GALNT17: variants seen among roughly 807,000 people sequenced by gnomAD.
GALNT17 encodes polypeptide N-acetylgalactosaminyltransferase 17.
GALNT17 carries 29 observed loss-of-function variants against 63.7 expected under a neutral mutation model. The ratio of observed to expected loss-of-function variants is 0.46; its 90% CI spans 0.34 to 0.62. The LOEUF (loss-of-function observed/expected upper bound fraction) is 0.62, where lower values mean the gene tolerates loss of function less well. Ranked by LOEUF, GALNT17 falls within the 20% of genes least tolerant of loss-of-function variation. The probability of loss-of-function intolerance (pLI) is 0.01; values close to 1 mark genes in which losing one functional copy is unlikely to be tolerated. For missense variants in GALNT17, 603 were observed against 799.6 expected (o/e 0.75, Z 2.97); for synonymous variants, 305 against 318.3 (o/e 0.96, Z 0.45).
At chr7:71,493,971 GT>G (rs145441332) in intron 5 of GALNT17, among the ~76,000 whole-genome samples, 5,069 of 151,636 alleles carry the variant, frequency 0.033, 299 homozygotes, top group African/African-American at 0.12. Flanking sequence ...CTTTTATAAA[GT>G]TTTTTTTTAA....
chr7:71,284,925 A>G (rs544823171), intron 1 of GALNT17, among the ~76,000 whole-genome samples: 2 of 152,044 alleles, frequency 1.3e-5, no homozygotes, highest in Non-Finnish European at 2.9e-5. Flanking sequence ...TGATGGGTAT[A>G]AAAAACTTAC....
intron 6 of GALNT17, among the ~76,000 whole-genome samples, chr7:71,637,366 G>A (rs1318736131): frequency 6.6e-6 from 1 of 151,918 alleles, no homozygotes; most frequent in Non-Finnish European, 1.5e-5. Flanking sequence ...TTGTATTTTA[G>A]TAGAGACAGG....
intron 2 of GALNT17, among the ~76,000 whole-genome samples, chr7:71,376,807 G>T (rs1250331143): frequency 6.6e-6 from 1 of 151,452 alleles, no homozygotes; most frequent in Non-Finnish European, 1.5e-5. Flanking sequence ...ATTAAAATTA[G>T]TTGGTCATGG....
chr7:71,648,659 A>G (rs1790714930), intron 6 of GALNT17, among the ~76,000 whole-genome samples: 2 of 151,904 alleles, frequency 1.3e-5, no homozygotes, highest in African/African-American at 2.4e-5. Context: ...CCGGTCTTGA[A>G]CTCTCGGTCT....
At chr7:71,420,840 G>T (rs947126485) in intron 4 of GALNT17, 68 bp from the exon 5 acceptor site, 1 of 1,569,568 alleles carries the variant, frequency 6.4e-7, no homozygotes, top group African/African-American at 1.3e-5. Context: ...TGTTCATTCC[G>T]TGTGGTCTTG....
intron 1 of GALNT17, among the ~76,000 whole-genome samples, chr7:71,334,425 G>T (rs957321178): frequency 6.6e-6 from 1 of 152,050 alleles, no homozygotes; most frequent in Non-Finnish European, 1.5e-5. Flanking sequence ...CTGGATATTG[G>T]ATCTCCATCA....
chr7:71,377,618 G>A (rs1457577660), intron 2 of GALNT17, among the ~76,000 whole-genome samples: 1 of 152,140 alleles, frequency 6.6e-6, no homozygotes, highest in African/African-American at 2.4e-5. Flanking sequence ...CCTTGTCCAT[G>A]CACCCACAAT....
chr7:71,249,439 T>G (rs561636656), intron 1 of GALNT17, among the ~76,000 whole-genome samples: 16 of 152,202 alleles, frequency 1.1e-4, no homozygotes, highest in Non-Finnish European at 2.1e-4. Context: ...TACCTGCATA[T>G]ATGTTTAATT....
At chr7:71,307,122 T>A (rs1431047063) in intron 1 of GALNT17, among the ~76,000 whole-genome samples, 1 of 152,060 alleles carries the variant, frequency 6.6e-6, no homozygotes, top group Non-Finnish European at 1.5e-5. Context: ...CCACCCCTGG[T>A]CCCTGCTTTC....
chr7:71,637,413 T>C (rs1466369425), intron 6 of GALNT17, among the ~76,000 whole-genome samples: 1 of 151,842 alleles, frequency 6.6e-6, no homozygotes, highest in African/African-American at 2.4e-5. Flanking sequence ...CTGGTCTTGA[T>C]CTCCTGACCT....
chr7:71,689,110 C>T (rs553321681), intron 9 of GALNT17, among the ~76,000 whole-genome samples: 7 of 152,050 alleles, frequency 4.6e-5, no homozygotes, highest in African/African-American at 9.7e-5. Flanking sequence ...GGACCGCGAA[C>T]GTAAATCATA....
chr7:71,141,924 G>A (rs1239538858), intron 1 of GALNT17, among the ~76,000 whole-genome samples: 1 of 146,408 alleles, frequency 6.8e-6, no homozygotes, highest in African/African-American at 2.6e-5. Context: ...ATATTGACCA[G>A]CCTGGTCTTG....
chr7:71,487,247 G>A (rs917856403), intron 5 of GALNT17, among the ~76,000 whole-genome samples: 4 of 152,182 alleles, frequency 2.6e-5, no homozygotes, highest in African/African-American at 9.7e-5. Context: ...GTCTCCATGA[G>A]GGTAGTGATG....
intron 9 of GALNT17, among the ~76,000 whole-genome samples, chr7:71,688,572 G>A (rs1791396890): frequency 6.6e-6 from 1 of 152,170 alleles, no homozygotes; most frequent in African/African-American, 2.4e-5. Context: ...TGATCCACGT[G>A]CAGAGCACAG....
chr7:71,479,660 A>T (rs1271217072), intron 5 of GALNT17, among the ~76,000 whole-genome samples: 1 of 152,046 alleles, frequency 6.6e-6, no homozygotes, highest in Non-Finnish European at 1.5e-5. Flanking sequence ...ATGCCCAGAG[A>T]TTGTAAAATC....
At chr7:71,637,168 G>C (rs1790538553) in intron 6 of GALNT17, among the ~76,000 whole-genome samples, 1 of 152,034 alleles carries the variant, frequency 6.6e-6, no homozygotes, top group Non-Finnish European at 1.5e-5. Context: ...TTACTTTGTT[G>C]TTGTTATTAT....
chr7:71,137,611 G>A (rs1787810841), intron 1 of GALNT17, among the ~76,000 whole-genome samples: 1 of 152,144 alleles, frequency 6.6e-6, no homozygotes, highest in Non-Finnish European at 1.5e-5. Context: ...GTGTTGGATG[G>A]ATGTGGAGAG....
At chr7:71,429,953 C>T (rs900842316) in intron 5 of GALNT17, among the ~76,000 whole-genome samples, 3 of 152,094 alleles carry the variant, frequency 2.0e-5, no homozygotes, top group Non-Finnish European at 4.4e-5. Flanking sequence ...GTGATCTGCC[C>T]GCCTCAGCCT....
intron 1 of GALNT17, among the ~76,000 whole-genome samples, chr7:71,220,810 C>G (rs897949559): frequency 6.6e-6 from 1 of 152,108 alleles, no homozygotes; most frequent in South Asian, 2.1e-4. Context: ...CAGAATGAAA[C>G]CAACCCTGCT....
Sources: gnomAD v4.1 joint callset for allele counts (sites outside exome capture counted in the v4.1 genomes callset) on GRCh38, gnomAD v4.1.1 for gene constraint, MANE v1.5 for transcripts, NCBI Gene and HGNC (gene_info 2026-07-23, HGNC 2026-07-21) for gene names.